PCDHA4: variants seen among roughly 807,000 people sequenced by gnomAD.
PCDHA4 encodes protocadherin alpha-4.
A neutral mutation model predicts 61.4 loss-of-function variants in PCDHA4; 49 were observed. The ratio of observed to expected loss-of-function variants is 0.80; its 90% CI spans 0.63 to 1.01. The LOEUF is 1.01. Among genes scored for constraint, PCDHA4 ranks in the 50% least tolerant of loss-of-function variants. The probability of loss-of-function intolerance (pLI) is 0.00; values close to 1 mark genes in which losing one functional copy is unlikely to be tolerated. For missense variants in PCDHA4, 1,254 were observed against 1,235.8 expected, an observed-to-expected ratio of 1.01 and a Z score of -0.22; for synonymous variants, 590 against 550.3, an observed-to-expected ratio of 1.07 and a Z score of -1.01.
At chr5:140,955,907 C>A (rs1356508512) in intron 1 of PCDHA4, among the ~76,000 whole-genome samples, 3 of 152,126 alleles carry the variant, frequency 2.0e-5, no homozygotes, top group East Asian at 3.8e-4. Flanking sequence ...CTCTTTGTAG[C>A]AATTGTGAAT....
intron 1 of PCDHA4, chr5:140,841,123 T>C: frequency 1.6e-6 from 1 of 643,846 alleles, no homozygotes; most frequent in Non-Finnish European, 2.6e-6. Context: ...ATGTAATCAT[T>C]ACCTTTTGAA....
chr5:140,811,120 T>C (rs1764796330), intron 1 of PCDHA4: 1 of 152,238 alleles, frequency 6.6e-6, no homozygotes, highest in South Asian at 2.1e-4. Flanking sequence ...CAACTCATCA[T>C]TTACATTAGG....
At chr5:140,856,346 G>T in intron 1 of PCDHA4, 1 of 1,598,632 alleles carries the variant, frequency 6.3e-7, no homozygotes, top group Non-Finnish European at 8.6e-7. Context: ...GCGGAGCGTG[G>T]AGTGCAGCAT....
chr5:140,989,727 A>C (rs1203211477), intron 3 of PCDHA4, among the ~76,000 whole-genome samples: 7 of 152,190 alleles, frequency 4.6e-5, no homozygotes, highest in African/African-American at 1.7e-4. Context: ...TTTGCAGTTG[A>C]AAAGGCCATT....
chr5:140,898,980 G>A (rs2067076537), intron 1 of PCDHA4, among the ~76,000 whole-genome samples: 1 of 151,930 alleles, frequency 6.6e-6, no homozygotes, highest in South Asian at 2.1e-4. Flanking sequence ...CTCATGATTT[G>A]GCTCTCTGTT....
intron 1 of PCDHA4, chr5:140,884,831 A>G (rs918582598): frequency 4.3e-6 from 4 of 939,604 alleles, no homozygotes; most frequent in Non-Finnish European, 6.0e-6. Flanking sequence ...GTGTTGGATT[A>G]TCCTTCAGAG....
intron 1 of PCDHA4, chr5:140,883,393 C>T (rs781845683): frequency 1.2e-6 from 2 of 1,614,160 alleles, no homozygotes; most frequent in South Asian, 2.2e-5. Flanking sequence ...TCAGTGTGTC[C>T]GATCGTGACT....
chr5:140,851,940 G>A (rs1431345124), intron 1 of PCDHA4: 2 of 966,626 alleles, frequency 2.1e-6, no homozygotes, highest in Non-Finnish European at 2.5e-6. Flanking sequence ...ATTGTAGTAT[G>A]TGACTTTCAA....
chr5:140,986,246 C>T (rs561365390), intron 3 of PCDHA4, among the ~76,000 whole-genome samples: 1 of 152,178 alleles, frequency 6.6e-6, no homozygotes, highest in African/African-American at 2.4e-5. Flanking sequence ...TGAGCAGACC[C>T]GGACCACAGG....
At chr5:140,926,529 A>T in intron 1 of PCDHA4, 1 of 209,686 alleles carries the variant, frequency 4.8e-6, no homozygotes, top group Admixed American at 5.9e-5. Context: ...CTGCGCCCGC[A>T]GCCAGCGTGG....
At chr5:140,884,493 C>G (rs782633321) in intron 1 of PCDHA4, 4 of 1,613,920 alleles carry the variant, frequency 2.5e-6, no homozygotes, top group South Asian at 1.1e-5. Context: ...CTAGTGTGCT[C>G]CAGCGCGGCA....
chr5:140,903,420 G>A (rs1562939328), intron 1 of PCDHA4, among the ~76,000 whole-genome samples: 1 of 152,150 alleles, frequency 6.6e-6, no homozygotes, highest in Non-Finnish European at 1.5e-5. Flanking sequence ...GAAAAATTCA[G>A]CACAATATGT....
chr5:141,009,514 A>T (rs2098410382), intron 3 of PCDHA4, 113 bp from the exon 4 acceptor site: 5 of 1,501,204 alleles, frequency 3.3e-6, no homozygotes, highest in African/African-American at 1.4e-5. Context: ...ACAACTCGTG[A>T]TTTTTCTGGG....
intron 1 of PCDHA4, among the ~76,000 whole-genome samples, chr5:140,952,338 CA>C (rs55931446): frequency 8.7e-4 from 117 of 135,030 alleles, no homozygotes; most frequent in South Asian, 1.2e-3. Flanking sequence ...AACTCCATCT[CA>C]AAAAAAAAAA....
intron 1 of PCDHA4, among the ~76,000 whole-genome samples, chr5:140,936,010 A>G (rs1470244912): frequency 6.6e-6 from 1 of 150,776 alleles, no homozygotes; most frequent in Non-Finnish European, 1.5e-5. Context: ...CTCCCACCTC[A>G]GCCTCCCGAG....
chr5:140,967,084 TC>T, intron 1 of PCDHA4: 2 of 1,613,270 alleles, frequency 1.2e-6, no homozygotes, highest in African/African-American at 2.7e-5. Flanking sequence ...AGCGCATTGA[TC>T]GGGAGGCGCT....
intron 3 of PCDHA4, among the ~76,000 whole-genome samples, chr5:140,999,235 T>C (rs1407252981): frequency 6.6e-6 from 1 of 152,154 alleles, no homozygotes; most frequent in Non-Finnish European, 1.5e-5. Context: ...GAATAGGTGG[T>C]TAAAGTGGGA....
In PCDHA4 at chr5:140,844,415, G is replaced by GT. The variant is rs1436440937; in HGVS notation, c.2385+34849dup. Among the ~76,000 whole-genome samples, 5 of 149,230 alleles carry GT rather than the reference G, an allele frequency of 3.4e-5. 1 individual carries two copies. Among genetic ancestry groups the GT allele is most frequent in the Non-Finnish European group, 6.0e-5 (4 of 66,716 alleles). On this transcript the variant is annotated intron_variant, in intron 1 of 3. Transcript: ENST00000530339. ...AGACCATTTTACCATTTGGAGACAT[G>GT]TTTTTTATTCTACATGATTTTTACA...
intron 1 of PCDHA4, chr5:140,821,980 G>A (rs1554128359): frequency 9.3e-6 from 15 of 1,614,138 alleles, no homozygotes; most frequent in South Asian, 4.4e-5. Context: ...GGCGTCCAAG[G>A]GCCGCGGGGA....
Sources: gnomAD v4.1 joint callset for allele counts (sites outside exome capture counted in the v4.1 genomes callset) on GRCh38, gnomAD v4.1.1 for gene constraint, MANE v1.5 for transcripts, NCBI Gene and HGNC (gene_info 2026-07-23, HGNC 2026-07-21) for gene names.